TENT2: variants seen among roughly 807,000 people sequenced by gnomAD.
The protein encoded by TENT2 is terminal nucleotidyltransferase 2.
Under a neutral mutation model 72.2 loss-of-function variants are expected in TENT2, and 44 were observed. That is an observed-to-expected ratio of 0.61 (90% CI 0.48 to 0.78). The LOEUF (loss-of-function observed/expected upper bound fraction) is 0.78. TENT2 is among the 30% of genes least tolerant of loss of function. The pLI is 0.00. For missense variants in TENT2, 541 were observed against 569.6 expected, an observed-to-expected ratio of 0.95 and a Z score of 0.51; for synonymous variants, 212 against 192.5, an observed-to-expected ratio of 1.10 and a Z score of -0.84.
In TENT2 at chr5:79,665,329, T is replaced by G. The variant is rs555699190; in HGVS notation, c.1072-3563T>G. The stretch of plus-strand genomic sequence containing the variant: ...CATCTTTGACTTAAGCCTTTCATCA[T>G]TTAAAGAACGGTTTTCAAATAGAAG... On this transcript the variant is annotated intron_variant, in intron 11 of 14. Coordinates refer to ENST00000453514, the MANE Select transcript of TENT2 (RefSeq NM_001114394.3). Among the ~76,000 whole-genome samples the G allele has an allele frequency of 2.6e-4, 40 of 152,300 alleles. No individual in the cohort carries two copies. The Middle Eastern group carries it at 0.01, about 39-fold the overall frequency.
intron 11 of TENT2, among the ~76,000 whole-genome samples, chr5:79,667,841 A>G (rs999158043): frequency 5.3e-5 from 8 of 150,422 alleles, no homozygotes; most frequent in Non-Finnish European, 2.9e-5. Context: ...CATTATTTAG[A>G]TGTCTTTAAT....
At chr5:79,645,378 C>G (rs1787967978) in intron 8 of TENT2, among the ~76,000 whole-genome samples, 186 bp downstream of exon 8, 1 of 152,038 alleles carries the variant, frequency 6.6e-6, no homozygotes, top group Non-Finnish European at 1.5e-5. Context: ...CTTAACTGTA[C>G]TTAGCTATTC....
intron 3 of TENT2, 86 bp from the exon 4 acceptor site, chr5:79,623,164 CTT>C (rs763862754): frequency 1.0e-5 from 9 of 880,790 alleles, no homozygotes; most frequent in Non-Finnish European, 1.5e-5. Context: ...GTCATTATCT[CTT>C]ATGATATTTA....
At chr5:79,613,308 A>G (rs1756649081) in intron 1 of TENT2, among the ~76,000 whole-genome samples, 2 of 152,222 alleles carry the variant, frequency 1.3e-5, no homozygotes, top group Non-Finnish European at 2.9e-5. Flanking sequence ...TACTTGTCTT[A>G]TCTCTTTCAA....
intron 12 of TENT2, among the ~76,000 whole-genome samples, chr5:79,672,871 G>A (rs1814076591): frequency 6.6e-6 from 1 of 152,056 alleles, no homozygotes; most frequent in Non-Finnish European, 1.5e-5. Context: ...TTAGTTTTGG[G>A]GAAACCTCCA....
intron 14 of TENT2, among the ~76,000 whole-genome samples, chr5:79,684,403 G>C (rs536928744): frequency 6.6e-6 from 1 of 152,086 alleles, no homozygotes; most frequent in African/African-American, 2.4e-5. Context: ...CTATAGGCGT[G>C]TGCCACCATA....
rs1561612471 is a variant in TENT2 at position 79,685,533 on chromosome 5, T to C, written c.*260T>C. 2 of 262,294 alleles carry C rather than the reference T, an allele frequency of 7.6e-6. No homozygotes were observed. Among genetic ancestry groups the C allele is most frequent in the Non-Finnish European group, 1.4e-5 (2 of 144,958 alleles). 16.2% of individuals were successfully genotyped at this position (262,294 alleles called of 1,614,324 possible). Reference sequence around the variant, plus strand: ...TGTTTTCAGGTGATCAGATAAAATATATTTTGGGAAATTAACTGAACAAAT... The same window carrying C: ...TGTTTTCAGGTGATCAGATAAAATACATTTTGGGAAATTAACTGAACAAAT... On this transcript the variant is annotated 3_prime_UTR_variant, in exon 15 of 15. Coordinates refer to ENST00000453514, the MANE Select transcript of TENT2 (RefSeq NM_001114394.3).
At chr5:79,668,662 G>T in intron 11 of TENT2, 1 of 428,562 alleles carries the variant, frequency 2.3e-6, no homozygotes. Flanking sequence ...TTGGTTAACT[G>T]AGTGATATAC....
intron 4 of TENT2, among the ~76,000 whole-genome samples, chr5:79,629,377 A>G (rs999029729): frequency 6.6e-6 from 1 of 152,250 alleles, no homozygotes; most frequent in African/African-American, 2.4e-5. Context: ...CTGAAACAAA[A>G]GTGACAGTTG....
intron 4 of TENT2, among the ~76,000 whole-genome samples, chr5:79,633,432 G>GTTTTTT (rs539713889): frequency 6.7e-4 from 54 of 80,364 alleles, no homozygotes; most frequent in Non-Finnish European, 8.6e-4. Flanking sequence ...CAGCTAAAAA[G>GTTTTTT]TTTTTTTTTT....
Position 79,645,158 on chromosome 5 carries a change from A to T in TENT2, c.787A>T (p.Lys263Ter). 1 of 1,609,218 alleles carries T rather than the reference A, an allele frequency of 6.2e-7. No individual in the cohort carries two copies. Among genetic ancestry groups the T allele is most frequent in the Non-Finnish European group, 8.5e-7 (1 of 1,177,966 alleles). ...YIERPQLIRA[K>*]VPIVKFRDKV... Reference sequence around the variant, plus strand: ...TGAGAGACCTCAGCTGATTCGAGCAAAAGTGCCAATTGTGAAGTTCAGGGA... The same window carrying T: ...TGAGAGACCTCAGCTGATTCGAGCATAAGTGCCAATTGTGAAGTTCAGGGA... The change falls in exon 8 of 15, where the codon AAA (lysine) becomes TAA (stop). Residue 263 changes from lysine to a stop codon, truncating the protein, a stop_gained. Coordinates refer to ENST00000453514, the MANE Select transcript of TENT2 (RefSeq NM_001114394.3). LOFTEE classifies it high-confidence loss of function.
intron 10 of TENT2, 59 bp from the exon 11 acceptor site, chr5:79,656,899 A>C: frequency 7.8e-7 from 1 of 1,284,620 alleles, no homozygotes; most frequent in Non-Finnish European, 1.1e-6. Context: ...CTGACAAATT[A>C]TTGCATTGTA....
chr5:79,636,244 A>C (rs768318715), intron 4 of TENT2, among the ~76,000 whole-genome samples: 1 of 152,228 alleles, frequency 6.6e-6, no homozygotes, highest in Non-Finnish European at 1.5e-5. Flanking sequence ...CAAACCATAT[A>C]CTAGAGAGAA....
At chr5:79,655,931 C>A (rs767382731) in intron 10 of TENT2, among the ~76,000 whole-genome samples, 2 of 151,662 alleles carry the variant, frequency 1.3e-5, no homozygotes, top group Middle Eastern at 6.8e-3. Context: ...AGTTGGAGAC[C>A]GTGTAAGTTG....
chr5:79,661,607 T>C (rs187748205), intron 11 of TENT2, among the ~76,000 whole-genome samples: 109 of 152,324 alleles, frequency 7.2e-4, no homozygotes, highest in African/African-American at 2.5e-3. Context: ...TGCAATAGCA[T>C]TATGTCTAAA....
intron 4 of TENT2, 104 bp from the exon 5 acceptor site, chr5:79,640,747 C>T: frequency 1.6e-6 from 1 of 611,000 alleles, no homozygotes; most frequent in Non-Finnish European, 2.8e-6. Flanking sequence ...AATACATACT[C>T]CCTTTTAAAA....
chr5:79,616,814 C>G (rs1461738059), intron 1 of TENT2, among the ~76,000 whole-genome samples: 1 of 152,158 alleles, frequency 6.6e-6, no homozygotes, highest in Non-Finnish European at 1.5e-5. Flanking sequence ...TTAACCTTGT[C>G]TCTGGTCCAA....
chr5:79,649,875 T>A (rs1019290267), intron 10 of TENT2, among the ~76,000 whole-genome samples: 1 of 152,146 alleles, frequency 6.6e-6, no homozygotes, highest in African/African-American at 2.4e-5. Flanking sequence ...CTCAAAAATA[T>A]CTTACATATG....
In TENT2 at chr5:79,685,954, C is replaced by G. The variant is rs961271146; in HGVS notation, c.*681C>G. Reference sequence around the variant, plus strand: ...ATTTTGCACTGTAGTAATGGGAGCACTAACTCTTACAACAGTTAGTGAATC... The same window carrying G: ...ATTTTGCACTGTAGTAATGGGAGCAGTAACTCTTACAACAGTTAGTGAATC... On this transcript the variant is annotated 3_prime_UTR_variant, in exon 15 of 15. Coordinates refer to ENST00000453514, the MANE Select transcript of TENT2 (RefSeq NM_001114394.3). 3 of 152,592 alleles carry G rather than the reference C, an allele frequency of 2.0e-5. No homozygotes were observed. Among genetic ancestry groups the G allele is most frequent in the African/African-American group, 4.8e-5 (2 of 41,426 alleles). 9.5% of individuals were successfully genotyped at this position (152,592 alleles called of 1,614,324 possible).
Sources: allele counts gnomAD v4.1 joint callset (sites outside exome capture counted in the v4.1 genomes callset), GRCh38; gene constraint gnomAD v4.1.1; transcripts MANE v1.5; gene names NCBI Gene and HGNC (gene_info 2026-07-23, HGNC 2026-07-21).